The following GGH variants were observed in gnomAD, a reference collection of about 807,000 sequenced individuals.
GGH encodes the protein gamma-glutamyl hydrolase.
Under a neutral mutation model 39.2 loss-of-function variants are expected in GGH, and 18 were observed. That is an observed-to-expected ratio of 0.46 (90% CI 0.32 to 0.68). The LOEUF is 0.68. Ranked by LOEUF, GGH falls within the 30% of genes least tolerant of loss-of-function variation. The pLI is 0.04. For missense variants in GGH, 367 were observed against 384.1 expected, an observed-to-expected ratio of 0.96 and a Z score of 0.37; for synonymous variants, 147 against 138.8, an observed-to-expected ratio of 1.06 and a Z score of -0.42.
chr8:63,017,407 G>A, intron 8 of GGH, 86 bp downstream of exon 8: 1 of 797,946 alleles, frequency 1.3e-6, no homozygotes, highest in Non-Finnish European at 2.0e-6. Context: ...AACATTTATA[G>A]AGCAAAAGGG....
At position 63,023,898 on chromosome 8, in the gene GGH, G is replaced by C. The variant is rs1804638440; in HGVS notation, c.697+9C>G. The C allele has an allele frequency of 6.5e-7, 1 of 1,536,626 alleles. No individual in the cohort carries two copies. Among genetic ancestry groups the C allele is most frequent in the South Asian group, 1.2e-5 (1 of 84,244 alleles). ...AGTGAAATAAAGTATACATGTTATAGTGATATACCTTCCATTGTTGAAATA... is the reference window on the plus strand; with the variant it reads ...AGTGAAATAAAGTATACATGTTATACTGATATACCTTCCATTGTTGAAATA... On this transcript the variant is annotated intron_variant, in intron 7 of 8. Coordinates refer to ENST00000260118, the MANE Select transcript of GGH (RefSeq NM_003878.3).
At chr8:63,019,513 C>T (rs1358790360) in intron 7 of GGH, among the ~76,000 whole-genome samples, 1 of 152,178 alleles carries the variant, frequency 6.6e-6, no homozygotes, top group Non-Finnish European at 1.5e-5. Flanking sequence ...CCAGTATGAA[C>T]CTGAAAACAC....
chr8:63,015,993 A>C (rs1387921555), intron 8 of GGH, among the ~76,000 whole-genome samples: 1 of 152,182 alleles, frequency 6.6e-6, no homozygotes, highest in African/African-American at 2.4e-5. Context: ...AGTAAAAAAG[A>C]TGGAGAAACT....
chr8:63,028,534 A>G (rs1304364018), intron 3 of GGH: 1 of 152,188 alleles, frequency 6.6e-6, no homozygotes, highest in African/African-American at 2.4e-5. Flanking sequence ...GGTCCACTGC[A>G]TAACAGTGAC....
chr8:63,034,907 G>C (rs1200274700), intron 2 of GGH, among the ~76,000 whole-genome samples: 1 of 151,944 alleles, frequency 6.6e-6, no homozygotes, highest in African/African-American at 2.4e-5. Flanking sequence ...ATAGCCTTTG[G>C]GGTAAAAATG....
chr8:63,017,458 C>T (rs1350580555), intron 8 of GGH, 35 bp downstream of exon 8: 1 of 1,516,758 alleles, frequency 6.6e-7, no homozygotes, highest in South Asian at 1.2e-5. Context: ...TTCAAAACTA[C>T]CCCAGAATAA....
chr8:63,034,045 T>G (rs1804856032), intron 2 of GGH, among the ~76,000 whole-genome samples: 1 of 146,870 alleles, frequency 6.8e-6, no homozygotes, highest in Non-Finnish European at 1.5e-5. Context: ...AATATATATA[T>G]ATTTTTATAT....
At chr8:63,028,506 C>G (rs1042095413) in intron 3 of GGH, 1 of 152,036 alleles carries the variant, frequency 6.6e-6, no homozygotes, top group African/African-American at 2.4e-5. Flanking sequence ...CTCTGCATTC[C>G]CCTGCAAAAT....
At chr8:63,035,460 T>G (rs1421145949) in intron 2 of GGH, among the ~76,000 whole-genome samples, 196 bp downstream of exon 2, 1 of 152,074 alleles carries the variant, frequency 6.6e-6, no homozygotes, top group Non-Finnish European at 1.5e-5. Flanking sequence ...AGTGCACTAC[T>G]GCACCCAGCT....
intron 1 of GGH, among the ~76,000 whole-genome samples, chr8:63,037,235 T>A (rs1212264440): frequency 1.3e-5 from 2 of 152,170 alleles, no homozygotes; most frequent in East Asian, 3.9e-4. Context: ...GGTAAGATCA[T>A]CTTCACTAAG....
chr8:63,035,504 C>G (rs1173931219), intron 2 of GGH, 152 bp downstream of exon 2: 2 of 1,095,592 alleles, frequency 1.8e-6, no homozygotes, highest in African/African-American at 3.2e-5. Context: ...CAGGGCTTCA[C>G]CAGGTTGGCC....
intron 7 of GGH, among the ~76,000 whole-genome samples, chr8:63,019,859 C>A (rs1804555640): frequency 6.6e-6 from 1 of 152,078 alleles, no homozygotes; most frequent in Non-Finnish European, 1.5e-5. Flanking sequence ...CTGACTTATT[C>A]TTGTTTCCTA....
intron 7 of GGH, among the ~76,000 whole-genome samples, chr8:63,022,302 A>AT (rs1804602460): frequency 6.6e-6 from 1 of 151,990 alleles, no homozygotes; most frequent in Non-Finnish European, 1.5e-5. Flanking sequence ...TTTAATATGG[A>AT]AAAAAGAGTC....
chr8:63,036,338 C>A (rs1456680531), intron 1 of GGH, among the ~76,000 whole-genome samples: 2 of 152,186 alleles, frequency 1.3e-5, no homozygotes, highest in Admixed American at 6.5e-5. Context: ...CATTCCTATT[C>A]CTACAGTCAT....
At chr8:63,033,145 C>A (rs1454177291) in intron 2 of GGH, among the ~76,000 whole-genome samples, 2 of 152,152 alleles carry the variant, frequency 1.3e-5, no homozygotes, top group Non-Finnish European at 2.9e-5. Flanking sequence ...TAAGTATTTC[C>A]TTTATAACCC....
intron 2 of GGH, among the ~76,000 whole-genome samples, chr8:63,031,814 A>T (rs1477293399): frequency 4.6e-5 from 7 of 152,196 alleles, no homozygotes; most frequent in Admixed American, 4.6e-4. Context: ...TTGAAACAAA[A>T]GTCCCTTTCA....
intron 2 of GGH, among the ~76,000 whole-genome samples, chr8:63,030,910 G>A (rs1387255854): frequency 6.6e-6 from 1 of 152,188 alleles, no homozygotes; most frequent in Admixed American, 6.5e-5. Flanking sequence ...GGCTTAATCT[G>A]TGACATATGG....
In GGH at chr8:63,029,342, A is replaced by T. The variant is rs563196193; in HGVS notation, c.275+825T>A. 3.3e-5 allele frequency among the ~76,000 whole-genome samples: 5 copies of T among 152,226 alleles called. No individual in the cohort carries two copies. In the South Asian group the frequency reaches 1.0e-3, roughly 32 times the overall value. ...TCACATTGTTCATAGGACAATGGTG[A>T]TCTAAGTCAGCATCTACAGATAGCC... On this transcript the variant is annotated intron_variant, in intron 3 of 8. Transcript: ENST00000260118.
chr8:63,026,069 A>C (rs900023607), intron 5 of GGH, 89 bp downstream of exon 5: 2 of 1,053,912 alleles, frequency 1.9e-6, no homozygotes, highest in Non-Finnish European at 2.7e-6. Context: ...TAAAAAGAAA[A>C]TAAAAATAAG....
Sources: allele counts gnomAD v4.1 joint callset (sites outside exome capture counted in the v4.1 genomes callset), GRCh38; gene constraint gnomAD v4.1.1; transcripts MANE v1.5; gene names NCBI Gene and HGNC (gene_info 2026-07-23, HGNC 2026-07-21).